MRPL47: variants seen among roughly 807,000 people sequenced by gnomAD.
The protein encoded by MRPL47 is mitochondrial ribosomal protein L47.
A neutral mutation model predicts 34.0 loss-of-function variants in MRPL47; 31 were observed. The ratio of observed to expected loss-of-function variants is 0.91; its 90% confidence interval spans 0.68 to 1.23. MRPL47 has a LOEUF of 1.23. MRPL47 is among the 50% of genes most tolerant of loss of function. The pLI, the probability that MRPL47 is intolerant of heterozygous loss-of-function variation, is 0.00. For missense variants in MRPL47, 328 were observed against 285.8 expected (o/e 1.15, Z -1.07); for synonymous variants, 106 against 101.6 (o/e 1.04, Z -0.26).
At chr3:179,590,255 C>G (rs1238837324) in intron 6 of MRPL47, among the ~76,000 whole-genome samples, 1 of 151,828 alleles carries the variant, frequency 6.6e-6, no homozygotes, top group Non-Finnish European at 1.5e-5. Context: ...AGGAGAATCG[C>G]TAGAACCCGG....
Position 179,588,937 on chromosome 3 carries a change from T to G in MRPL47, c.688A>C (p.Lys230Gln), listed in dbSNP as rs368089471. Residue 230 changes from lysine (K) to glutamine (Q), a missense_variant, in exon 7 of 7, where the codon AAA becomes CAA. By Grantham distance (53) the Lys-to-Gln change is moderately conservative. Coordinates refer to ENST00000476781, the MANE Select transcript of MRPL47 (RefSeq NM_020409.3). ...KARKENLERK[K>Q]AKILLKKFPH... Reference sequence around the variant, plus strand: ...AACTTTTTTAAAAGAATTTTTGCTTTCTTTCTCTCTAAATTTTCCTTCCGT... The same window carrying G: ...AACTTTTTTAAAAGAATTTTTGCTTGCTTTCTCTCTAAATTTTCCTTCCGT... The G allele has an allele frequency of 9.9e-5, 160 of 1,613,514 alleles. No individual in the cohort carries two copies. Among genetic ancestry groups the G allele is most frequent in the Middle Eastern group, 1.6e-4 (1 of 6,072 alleles).
rs112848372 is a variant in MRPL47 at position 179,592,691 on chromosome 3, G to T, written c.582C>A (p.Tyr194Ter). Reference sequence around the variant, plus strand: ...GCAAGGCAAAGAATCGTTTCCTATTGTATCTTTTATTTAGGTGCCAAGGTA... The same window carrying T: ...GCAAGGCAAAGAATCGTTTCCTATTTTATCTTTTATTTAGGTGCCAAGGTA... ...WVIPWHLNKRYNRKRFFALPY... is the reference protein window; with the variant it reads ...WVIPWHLNKR The change falls in exon 6 of 7, where the codon TAC becomes TAA. Residue 194 changes from tyrosine to a stop codon, truncating the protein, a stop_gained. Coordinates refer to ENST00000476781, the MANE Select transcript of MRPL47 (RefSeq NM_020409.3). LOFTEE classifies it high-confidence loss of function. The T allele has an allele frequency of 2.5e-6, 4 of 1,613,764 alleles. No individual in the cohort carries two copies. Among genetic ancestry groups the T allele is most frequent in the East Asian group, 2.2e-5 (1 of 44,864 alleles).
At chr3:179,602,919 G>T in intron 1 of MRPL47, 122 bp from the exon 2 acceptor site, 1 of 812,096 alleles carries the variant, frequency 1.2e-6, no homozygotes, top group Non-Finnish European at 1.9e-6. Flanking sequence ...AGCTACTCAG[G>T]GTTTCTGCAC....
At chr3:179,595,192 T>G (rs962304187) in intron 4 of MRPL47, among the ~76,000 whole-genome samples, 1 of 152,078 alleles carries the variant, frequency 6.6e-6, no homozygotes, top group Non-Finnish European at 1.5e-5. Flanking sequence ...ACTACAGGCA[T>G]GCACCACCAC....
In MRPL47 at chr3:179,598,659, C is replaced by G; in HGVS notation, c.402+16G>C. On this transcript the variant is annotated intron_variant, in intron 4 of 6. Coordinates refer to ENST00000476781, the MANE Select transcript of MRPL47 (RefSeq NM_020409.3). The stretch of plus-strand genomic sequence containing the variant: ...GTAATCATGTATACCAGTCTCCAGC[C>G]TCTCCCAATCCTTACCTTATCTAAC... 1.3e-6 allele frequency: 2 copies of G among 1,532,056 alleles called. No homozygotes were observed. Among genetic ancestry groups the G allele is most frequent in the Non-Finnish European group, 9.0e-7 (1 of 1,105,652 alleles). The allele number at this position is 1,532,056 out of a possible 1,614,324, so 94.9% of individuals were successfully genotyped here.
Position 179,603,302 on chromosome 3 carries a change from C to T in MRPL47, c.99-505G>A, listed in dbSNP as rs1197799714. Among the ~76,000 whole-genome samples the T allele has an allele frequency of 2.0e-5, 3 of 151,810 alleles. No homozygotes were observed. In the East Asian group the frequency reaches 5.8e-4, roughly 29 times the overall value. On this transcript the variant is annotated intron_variant, in intron 1 of 6. Transcript: ENST00000476781. The stretch of plus-strand genomic sequence containing the variant: ...CTGTTATCCCAGAAATTTGGAAGGC[C>T]GAGGTGGGAGGATCACTTTGAGCCC...
At chr3:179,589,785 G>A (rs962815884) in intron 6 of MRPL47, among the ~76,000 whole-genome samples, 2 of 151,904 alleles carry the variant, frequency 1.3e-5, no homozygotes, top group Non-Finnish European at 2.9e-5. Flanking sequence ...CACATATATA[G>A]GAAAAAAAGT....
intron 3 of MRPL47, 52 bp from the exon 4 acceptor site, chr3:179,598,823 A>C: frequency 1.5e-6 from 2 of 1,307,002 alleles, no homozygotes; most frequent in Non-Finnish European, 2.2e-6. Flanking sequence ...TATGTTAATA[A>C]AGTTGTGATT....
At chr3:179,599,129 A>G (rs1718864723) in intron 3 of MRPL47, among the ~76,000 whole-genome samples, 1 of 152,004 alleles carries the variant, frequency 6.6e-6, no homozygotes, top group South Asian at 2.1e-4. Flanking sequence ...AGATCACACT[A>G]CTATACTCCA....
At chr3:179,593,503 G>A (rs1718720766) in intron 5 of MRPL47, among the ~76,000 whole-genome samples, 1 of 152,092 alleles carries the variant, frequency 6.6e-6, no homozygotes, top group South Asian at 2.1e-4. Flanking sequence ...ATTCATATAA[G>A]ACTAAGAACC....
At chr3:179,590,373 A>C (rs151132155) in intron 6 of MRPL47, among the ~76,000 whole-genome samples, 20 of 152,118 alleles carry the variant, frequency 1.3e-4, no homozygotes, top group African/African-American at 4.8e-4. Flanking sequence ...TTATAACTTC[A>C]CCCTGTATGA....
intron 6 of MRPL47, among the ~76,000 whole-genome samples, chr3:179,589,771 TA>T (rs1260255760): frequency 6.6e-6 from 1 of 151,936 alleles, no homozygotes; most frequent in African/African-American, 2.4e-5. Context: ...AAGTAAAAAA[TA>T]TGCACATATA....
chr3:179,602,488 A>G (rs1231859051), intron 2 of MRPL47, among the ~76,000 whole-genome samples, 164 bp downstream of exon 2: 1 of 151,574 alleles, frequency 6.6e-6, no homozygotes, highest in African/African-American at 2.4e-5. Context: ...CTACTATTAT[A>G]TTGTCCCTTT....
chr3:179,593,854 T>C lies in MRPL47; in HGVS notation c.444A>G (p.Glu148=). ...SMDALDKVVQ[E]REDALRLLQT... is the part of the protein sequence containing the mutation. ...GAAGAAGCCTTAGGGCATCTTCTCT[T>C]TCCTGGACAACTTTATCTAATGCAT... The change falls in exon 5 of 7, where the codon GAA becomes GAG. Residue 148 remains glutamate, a synonymous_variant. Coordinates refer to ENST00000476781, the MANE Select transcript of MRPL47 (RefSeq NM_020409.3). 6.2e-7 allele frequency: 1 copy of C among 1,613,610 alleles called. No homozygotes were observed.
Position 179,598,425 on chromosome 3 carries a change from C to CA in MRPL47, c.402+249dup, listed in dbSNP as rs1322897114. On this transcript the variant is annotated intron_variant, in intron 4 of 6. Transcript: ENST00000476781. Reference sequence around the variant, plus strand: ...ACACACACACACACACACACACACACAAACAAAAAAAAAAAAACAAAAAAC... The same window carrying CA: ...ACACACACACACACACACACACACACAAAACAAAAAAAAAAAAACAAAAAAC... 7.1e-4 allele frequency among the ~76,000 whole-genome samples: 90 copies of CA among 125,956 alleles called. 1 individual carries two copies. Among genetic ancestry groups the CA allele is most frequent in the Admixed American group, 6.4e-3 (77 of 11,986 alleles). The allele number at this position is 125,956 out of a possible 152,430, so 82.6% of individuals were successfully genotyped here.
At chr3:179,599,954 CG>C (rs976494284) in intron 3 of MRPL47, among the ~76,000 whole-genome samples, 1 of 151,708 alleles carries the variant, frequency 6.6e-6, no homozygotes, top group African/African-American at 2.4e-5. Context: ...GGTGAAACCC[CG>C]TCTCTACTAA....
In MRPL47 at chr3:179,592,681, G is replaced by A. The variant is rs754188894; in HGVS notation, c.592C>T (p.Arg198Ter). The change falls in exon 6 of 7, where the codon CGA becomes TGA. Residue 198 changes from arginine to a stop codon, truncating the protein, a stop_gained. Coordinates refer to ENST00000476781, the MANE Select transcript of MRPL47 (RefSeq NM_020409.3). LOFTEE classifies it high-confidence loss of function. ...WHLNKRYNRK[R>*]FFALPYVDHF... ...TCCACATAAGGCAAGGCAAAGAATC[G>A]TTTCCTATTGTATCTTTTATTTAGG... 1.2e-5 allele frequency: 19 copies of A among 1,613,706 alleles called. No individual in the cohort carries two copies. The highest frequency in any genetic ancestry group is 2.2e-5 in the East Asian group (1 of 44,852).
Position 179,604,631 on chromosome 3 carries a change from G to T in MRPL47, c.-7C>A, listed in dbSNP as rs114460506. ...CCAAACCGGCCGCAGCCATGTTTTC[G>T]CATAACTGGCAAAACGCGTTTCCGC... is the stretch of plus-strand genomic sequence containing the variant. On this transcript the variant is annotated 5_prime_UTR_variant, in exon 1 of 7. Transcript: ENST00000476781. 59 of 1,613,946 alleles carry T rather than the reference G, an allele frequency of 3.7e-5. No homozygotes were observed. The highest frequency in any genetic ancestry group is 3.3e-4 in the Middle Eastern group (2 of 6,078).
intron 4 of MRPL47, among the ~76,000 whole-genome samples, chr3:179,598,429 C>CA (rs1553779599): frequency 0.035 from 4,160 of 118,738 alleles, 155 homozygotes; most frequent in East Asian, 0.14. Flanking sequence ...CACACACAAA[C>CA]AAAAAAAAAA....
Sources: allele counts gnomAD v4.1 joint callset (sites outside exome capture counted in the v4.1 genomes callset), GRCh38; gene constraint gnomAD v4.1.1; transcripts MANE v1.5; gene names NCBI Gene and HGNC (gene_info 2026-07-23, HGNC 2026-07-21).